LRRC37A2: variants seen among roughly 807,000 people sequenced by gnomAD.
The protein encoded by LRRC37A2 is leucine rich repeat containing 37 member A2.
In LRRC37A2, 9 loss-of-function variants were observed where a neutral mutation model predicts 68.8. The observed-to-expected ratio is 0.13, with a 90% CI of 0.08 to 0.23. The LOEUF is 0.23. LRRC37A2 is among the 10% of genes least tolerant of loss of function. LRRC37A2 has a pLI of 1.00. For missense variants in LRRC37A2, 168 were observed against 950.4 expected, an observed-to-expected ratio of 0.18 and a Z score of 10.82; for synonymous variants, 63 against 367.6, an observed-to-expected ratio of 0.17 and a Z score of 9.48.
chr17:46,855,476 C>T, the LRRC37A2 span, among the ~76,000 whole-genome samples: 1 of 152,154 alleles, frequency 6.6e-6, no homozygotes, highest in African/African-American at 2.4e-5. Flanking sequence ...CTGATCAAGT[C>T]ACTCATCTCC....
the LRRC37A2 span, among the ~76,000 whole-genome samples, chr17:46,809,204 G>A: frequency 6.6e-6 from 1 of 152,222 alleles, no homozygotes; most frequent in Admixed American, 6.5e-5. Flanking sequence ...GAAGAGGGGA[G>A]CCATGGGAGG....
At chr17:46,936,864 T>A in the LRRC37A2 span, 6 of 980,234 alleles carry the variant, frequency 6.1e-6, no homozygotes, top group East Asian at 2.3e-4. Context: ...GCTTCTTAAT[T>A]GCTTTCTGGG....
At chr17:46,769,739 G>T in the LRRC37A2 span, 2 of 1,601,906 alleles carry the variant, frequency 1.2e-6, no homozygotes, top group African/African-American at 2.7e-5. Flanking sequence ...AGGGGAAGCG[G>T]GGGGCTGCTC....
chr17:46,928,559 C>A, the LRRC37A2 span, among the ~76,000 whole-genome samples: 1 of 152,096 alleles, frequency 6.6e-6, no homozygotes, highest in Non-Finnish European at 1.5e-5. Context: ...TTGGCCAGAC[C>A]GTGGGAAGCC....
chr17:46,784,735 A>ACTGTGCCC, the LRRC37A2 span, among the ~76,000 whole-genome samples: 1 of 150,598 alleles, frequency 6.6e-6, no homozygotes, highest in South Asian at 2.1e-4. Flanking sequence ...AGAGGGAGCC[A>ACTGTGCCC]CTGTGCCCCT....
chr17:46,905,829 T>C, the LRRC37A2 span, among the ~76,000 whole-genome samples: 1 of 147,690 alleles, frequency 6.8e-6, no homozygotes, highest in Non-Finnish European at 1.5e-5. Flanking sequence ...TGTTGGGGGA[T>C]GGGGTAAGGG....
At chr17:46,771,778 G>T in the LRRC37A2 span, among the ~76,000 whole-genome samples, 1 of 141,370 alleles carries the variant, frequency 7.1e-6, no homozygotes, top group Non-Finnish European at 1.6e-5. Flanking sequence ...GCGCCGCGCC[G>T]CGCCGCGCCG....
At chr17:46,724,956 A>G in the LRRC37A2 span, among the ~76,000 whole-genome samples, 1 of 152,058 alleles carries the variant, frequency 6.6e-6, no homozygotes, top group Non-Finnish European at 1.5e-5. Flanking sequence ...TAATATTTCT[A>G]CTTGAATTTA....
At chr17:46,970,518 C>T in the LRRC37A2 span, among the ~76,000 whole-genome samples, 11 of 125,888 alleles carry the variant, frequency 8.7e-5, no homozygotes, top group South Asian at 2.8e-4. Context: ...CTAGCCCAGG[C>T]GACACAGACT....
the LRRC37A2 span, among the ~76,000 whole-genome samples, chr17:47,047,697 A>C: frequency 6.6e-6 from 1 of 151,942 alleles, no homozygotes. Flanking sequence ...CTGTTTTTAC[A>C]GTTTTATAAG....
the LRRC37A2 span, among the ~76,000 whole-genome samples, chr17:46,769,049 A>G: frequency 6.6e-6 from 1 of 152,204 alleles, no homozygotes; most frequent in South Asian, 2.1e-4. Flanking sequence ...GTTGTTGCCC[A>G]GGCGCGGTGG....
the LRRC37A2 span, among the ~76,000 whole-genome samples, chr17:46,920,818 A>G: frequency 6.6e-6 from 1 of 152,238 alleles, no homozygotes; most frequent in Non-Finnish European, 1.5e-5. Flanking sequence ...CCAAACCAAA[A>G]TAGAGTCACT....
the LRRC37A2 span, among the ~76,000 whole-genome samples, chr17:47,027,270 T>C: frequency 6.6e-6 from 1 of 152,128 alleles, no homozygotes; most frequent in Non-Finnish European, 1.5e-5. Context: ...GAGCTCATAA[T>C]CTAAGATTTG....
the LRRC37A2 span, among the ~76,000 whole-genome samples, chr17:46,993,764 C>A: frequency 5.3e-5 from 8 of 152,354 alleles, no homozygotes; most frequent in Admixed American, 2.6e-4. Flanking sequence ...TTAATAAAAA[C>A]AACAGTGGCT....
At chr17:46,978,323 G>T in the LRRC37A2 span, 1 of 361,854 alleles carries the variant, frequency 2.8e-6, no homozygotes, top group Non-Finnish European at 5.0e-6. Context: ...CCACGCGAGC[G>T]ACCGCAGTCC....
the LRRC37A2 span, among the ~76,000 whole-genome samples, chr17:46,642,747 GC>G: frequency 1.4e-3 from 66 of 45,702 alleles, no homozygotes; most frequent in Non-Finnish European, 2.0e-3. Context: ...TTGCATTTCT[GC>G]CAGCTAGTGT....
the LRRC37A2 span, among the ~76,000 whole-genome samples, chr17:47,022,277 C>A: frequency 7.3e-6 from 1 of 137,558 alleles, no homozygotes; most frequent in Non-Finnish European, 1.6e-5. Context: ...CCCAAGTGAT[C>A]CTCTCACCTC....
the LRRC37A2 span, among the ~76,000 whole-genome samples, chr17:46,843,785 C>T: frequency 6.6e-6 from 1 of 152,202 alleles, no homozygotes; most frequent in Non-Finnish European, 1.5e-5. Flanking sequence ...CTAGTTTACA[C>T]TTATATAGAT....
At chr17:46,520,894 TA>T (rs1469283895) in intron 4 of LRRC37A2, among the ~76,000 whole-genome samples, 1 of 75,328 alleles carries the variant, frequency 1.3e-5, no homozygotes, top group East Asian at 2.5e-4. Flanking sequence ...TTTGGTAATT[TA>T]ATCGGAATTA....
Sources: allele counts gnomAD v4.1 joint callset (sites outside exome capture counted in the v4.1 genomes callset), GRCh38; gene constraint gnomAD v4.1.1; transcripts MANE v1.5; gene names NCBI Gene and HGNC (gene_info 2026-07-23, HGNC 2026-07-21).